Variants in MAST2 observed in about 807,000 individuals in gnomAD.
The protein encoded by MAST2 is microtubule-associated serine/threonine-protein kinase 2.
MAST2 carries 70 observed loss-of-function variants against 147.4 expected under a neutral mutation model. That is an observed-to-expected ratio of 0.47 (90% confidence interval 0.39 to 0.58). The LOEUF (loss-of-function observed/expected upper bound fraction) is 0.58, where lower values mean the gene tolerates loss of function less well. MAST2 is among the 20% of genes least tolerant of loss of function. The probability of loss-of-function intolerance (pLI) is 0.00; values close to 1 mark genes in which losing one functional copy is unlikely to be tolerated. For synonymous variants in MAST2, 869 were observed against 896.8 expected (o/e 0.97, Z 0.55); for missense variants, 2,080 against 2,302.3 (o/e 0.90, Z 1.98).
At position 46,034,218 on chromosome 1, in the gene MAST2, C is replaced by T. The variant is rs1646801764; in HGVS notation, c.3820C>T (p.Arg1274Ter). The change falls in exon 28 of 29, where the codon CGA becomes TGA. Residue 1274 changes from arginine to a stop codon, truncating the protein, a stop_gained. Coordinates refer to ENST00000361297, the MANE Select transcript of MAST2 (RefSeq NM_015112.3). LOFTEE classifies it low-confidence loss of function (END_TRUNC). ...CACACACAGCCACAGCCTTTCCCCC[C>T]GATCTCCCACTCAAGGCTACCGGGT... ...SPTHSHSLSP[R>*]SPTQGYRVTP... The T allele has an allele frequency of 3.1e-6, 5 of 1,614,056 alleles. No individual in the cohort carries two copies. The highest frequency in any genetic ancestry group is 3.3e-5 in the Admixed American group (2 of 60,010).
chr1:45,847,836 C>T (rs559846104), intron 3 of MAST2, among the ~76,000 whole-genome samples: 7 of 152,268 alleles, frequency 4.6e-5, no homozygotes, highest in South Asian at 2.1e-4. Flanking sequence ...CCACTATGCC[C>T]GGCCAGTACT....
chr1:45,860,866 C>T (rs1265547497), intron 3 of MAST2, among the ~76,000 whole-genome samples: 7 of 152,080 alleles, frequency 4.6e-5, no homozygotes, highest in Non-Finnish European at 1.0e-4. Flanking sequence ...CTCTCAACTC[C>T]TGCTATTATC....
intron 21 of MAST2, 106 bp downstream of exon 21, chr1:46,030,344 C>T: frequency 8.9e-7 from 1 of 1,129,326 alleles, no homozygotes; most frequent in South Asian, 1.4e-5. Flanking sequence ...GGGGTTGGGG[C>T]CACCTCTAGA....
intron 10 of MAST2, 121 bp downstream of exon 10, chr1:46,011,060 C>A: frequency 1.2e-6 from 1 of 803,780 alleles, no homozygotes; most frequent in Non-Finnish European, 2.0e-6. Flanking sequence ...GTTACCCACC[C>A]TCAAAGGTAG....
intron 5 of MAST2, among the ~76,000 whole-genome samples, chr1:45,978,968 C>CACT (rs1215023999): frequency 2.4e-4 from 36 of 152,292 alleles, no homozygotes; most frequent in African/African-American, 8.4e-4. Context: ...TGTGAATATA[C>CACT]TAAAAACCTC....
chr1:45,993,341 G>GT (rs1454971871), intron 5 of MAST2, among the ~76,000 whole-genome samples: 3 of 152,018 alleles, frequency 2.0e-5, no homozygotes, highest in East Asian at 1.9e-4. Flanking sequence ...ATTTTATTTA[G>GT]TTTTTTTGTT....
intron 4 of MAST2, among the ~76,000 whole-genome samples, chr1:45,926,617 T>C (rs1654409647): frequency 1.3e-5 from 2 of 152,228 alleles, no homozygotes; most frequent in Non-Finnish European, 2.9e-5. Context: ...GACCATTTTT[T>C]GGCAATGAGG....
intron 4 of MAST2, among the ~76,000 whole-genome samples, chr1:45,901,958 G>T (rs191184813): frequency 1.4e-3 from 215 of 152,204 alleles, no homozygotes; most frequent in Non-Finnish European, 2.6e-3. Flanking sequence ...TTCCTATTTG[G>T]ATGCTTTTTA....
chr1:45,860,418 A>C (rs1455196110), intron 3 of MAST2, among the ~76,000 whole-genome samples: 1 of 151,814 alleles, frequency 6.6e-6, no homozygotes, highest in Non-Finnish European at 1.5e-5. Context: ...TGAAGCAAGA[A>C]TCAATACATA....
rs901655880 is a variant in MAST2, at chr1:46,010,661, T to A, written c.979-69T>A. 1.9e-5 allele frequency: 27 copies of A among 1,407,576 alleles called. No individual in the cohort carries two copies. In the African/African-American group the frequency reaches 3.1e-4, roughly 16 times the overall value. 87.2% of individuals were successfully genotyped at this position (1,407,576 alleles called of 1,614,324 possible). On this transcript the variant is annotated intron_variant, in intron 9 of 28. Transcript: ENST00000361297. ...AGCCCATTATTTTGCTATTTCCAGG[T>A]CCTTCAGGCTTAGCTCCAACTGAGC...
rs569037803 is a variant in MAST2, at chr1:45,985,263, T to G, written c.593-12461T>G. ...TGCTAATTTTTGTGTGTGTGTGTGT[T>G]TTTTTTTTTTAGTAGAGACCAGGTT... On this transcript the variant is annotated intron_variant, in intron 5 of 28. Transcript: ENST00000361297. Among the ~76,000 whole-genome samples, 176 of 147,346 alleles carry G rather than the reference T, an allele frequency of 1.2e-3. 1 individual carries two copies. The highest frequency in any genetic ancestry group is 4.7e-3 in the East Asian group (24 of 5,094).
At chr1:45,938,557 G>T (rs1426473976) in intron 4 of MAST2, among the ~76,000 whole-genome samples, 2 of 152,110 alleles carry the variant, frequency 1.3e-5, no homozygotes, top group African/African-American at 4.8e-5. Flanking sequence ...GAACTCCTGG[G>T]CTCAAGTGAT....
intron 1 of MAST2, among the ~76,000 whole-genome samples, chr1:45,818,901 C>A (rs114865208): frequency 0.012 from 1,794 of 152,034 alleles, 29 homozygotes; most frequent in African/African-American, 0.038. Flanking sequence ...AAGTCTCTAG[C>A]CAAAAAACAT....
At chr1:45,983,984 C>A (rs1356854579) in intron 5 of MAST2, among the ~76,000 whole-genome samples, 3 of 152,274 alleles carry the variant, frequency 2.0e-5, no homozygotes, top group African/African-American at 7.2e-5. Context: ...ATGTTACCAT[C>A]TATATGTGAT....
At chr1:46,030,928 C>A (rs1646634991) in intron 22 of MAST2, 79 bp from the exon 23 acceptor site, 3 of 1,532,634 alleles carry the variant, frequency 2.0e-6, no homozygotes, top group Non-Finnish European at 1.8e-6. Flanking sequence ...GTTACTATAA[C>A]CCTTGTGTGC....
intron 11 of MAST2, among the ~76,000 whole-genome samples, chr1:46,021,116 G>T (rs1169610314): frequency 6.6e-6 from 1 of 152,190 alleles, no homozygotes; most frequent in African/African-American, 2.4e-5. Context: ...GACCAAATAG[G>T]AGCTAAGGAA....
intron 4 of MAST2, among the ~76,000 whole-genome samples, chr1:45,929,386 G>T (rs150874107): frequency 7.2e-5 from 11 of 152,292 alleles, no homozygotes; most frequent in South Asian, 4.1e-4. Context: ...GAGCAGCAGG[G>T]GGGGAGTTGT....
intron 4 of MAST2, among the ~76,000 whole-genome samples, chr1:45,925,630 A>C (rs914505982): frequency 1.3e-5 from 2 of 152,204 alleles, no homozygotes; most frequent in African/African-American, 4.8e-5. Context: ...AGAATGACTT[A>C]GGTTTTGAAT....
At chr1:45,936,877 C>T (rs529821854) in intron 4 of MAST2, among the ~76,000 whole-genome samples, 2 of 152,188 alleles carry the variant, frequency 1.3e-5, no homozygotes, top group African/African-American at 4.8e-5. Context: ...CAGGGGCCTG[C>T]ACATTTTGAA....
Sources: gnomAD v4.1 joint callset for allele counts (sites outside exome capture counted in the v4.1 genomes callset) on GRCh38, gnomAD v4.1.1 for gene constraint, MANE v1.5 for transcripts, NCBI Gene and HGNC (gene_info 2026-07-23, HGNC 2026-07-21) for gene names.